The following BRINP3 variants were observed in gnomAD, a reference collection of about 807,000 sequenced individuals.
BRINP3 encodes BMP/retinoic acid-inducible neural-specific protein 3.
BRINP3 carries 19 observed loss-of-function variants against 71.0 expected under a neutral mutation model. That is an observed-to-expected ratio of 0.27 (90% CI 0.19 to 0.39). BRINP3 has a LOEUF of 0.39. Among genes scored for constraint, BRINP3 ranks in the 10% least tolerant of loss-of-function variants. The pLI is 1.00. For missense variants in BRINP3, 959 were observed against 940.8 expected (o/e 1.02, Z -0.25); for synonymous variants, 380 against 337.7 (o/e 1.13, Z -1.37).
At chr1:190,328,563 C>T (rs1666758370) in intron 2 of BRINP3, among the ~76,000 whole-genome samples, 1 of 151,750 alleles carries the variant, frequency 6.6e-6, no homozygotes, top group South Asian at 2.1e-4. Flanking sequence ...TGCCACAGGG[C>T]CAGTTAGAGT....
At chr1:190,378,886 A>G (rs1171338) in intron 2 of BRINP3, among the ~76,000 whole-genome samples, 114,500 of 152,020 alleles carry the variant, frequency 0.75, 43,340 homozygotes, top group Non-Finnish European at 0.79. Context: ...TGTTCACATG[A>G]CCCCAGTAGG....
chr1:190,473,708 T>G (rs1339233101), intron 1 of BRINP3, among the ~76,000 whole-genome samples: 1 of 151,880 alleles, frequency 6.6e-6, no homozygotes, highest in Non-Finnish European at 1.5e-5. Context: ...ATCTATTGGC[T>G]GCTCAATCTA....
chr1:190,432,210 T>C (rs1007806774), intron 2 of BRINP3, among the ~76,000 whole-genome samples: 2 of 152,206 alleles, frequency 1.3e-5, no homozygotes, highest in African/African-American at 4.8e-5. Flanking sequence ...CCAGTAAATA[T>C]AGCTTTCTTA....
chr1:190,357,400 T>A (rs1558213213), intron 2 of BRINP3, among the ~76,000 whole-genome samples: 1 of 152,008 alleles, frequency 6.6e-6, no homozygotes, highest in Non-Finnish European at 1.5e-5. Flanking sequence ...TTTACTTAAC[T>A]GTCTACATGT....
At chr1:190,273,576 C>A (rs1662298543) in intron 3 of BRINP3, among the ~76,000 whole-genome samples, 1 of 151,388 alleles carries the variant, frequency 6.6e-6, no homozygotes, top group Non-Finnish European at 1.5e-5. Flanking sequence ...ATAAAACAAA[C>A]AAACAAAAAA....
At chr1:190,311,509 T>C (rs975214620) in intron 2 of BRINP3, among the ~76,000 whole-genome samples, 1 of 151,560 alleles carries the variant, frequency 6.6e-6, no homozygotes, top group African/African-American at 2.4e-5. Flanking sequence ...AGAAATTAAA[T>C]AGAAATAATG....
intron 2 of BRINP3, among the ~76,000 whole-genome samples, chr1:190,287,473 T>G (rs2102955006): frequency 6.6e-6 from 1 of 152,262 alleles, no homozygotes; most frequent in Middle Eastern, 3.4e-3. Flanking sequence ...AATTTTTTTT[T>G]TAAGCTTGGG....
intron 5 of BRINP3, among the ~76,000 whole-genome samples, chr1:190,232,655 C>A (rs1658106341): frequency 6.6e-6 from 1 of 151,924 alleles, no homozygotes; most frequent in Non-Finnish European, 1.5e-5. Context: ...TCATTTATTC[C>A]TTGTGTTAAT....
intron 4 of BRINP3, among the ~76,000 whole-genome samples, chr1:190,251,207 C>T (rs1040788345): frequency 1.1e-4 from 17 of 151,838 alleles, no homozygotes. Flanking sequence ...TGTGTTAGAG[C>T]TTATTCCTGA....
chr1:190,226,758 T>C (rs1657419648), intron 5 of BRINP3, among the ~76,000 whole-genome samples: 2 of 152,066 alleles, frequency 1.3e-5, no homozygotes, highest in African/African-American at 2.4e-5. Context: ...ATATAATGGG[T>C]TGTGCCATTG....
At chr1:190,175,683 C>G (rs531182242) in intron 6 of BRINP3, among the ~76,000 whole-genome samples, 1 of 152,264 alleles carries the variant, frequency 6.6e-6, no homozygotes, top group East Asian at 1.9e-4. Flanking sequence ...ATAGGTTTTA[C>G]TCCTTATAGG....
Position 190,269,076 on chromosome 1 carries a change from C to G in BRINP3, c.428-4021G>C, listed in dbSNP as rs117007494. On this transcript the variant is annotated intron_variant, in intron 3 of 7. Coordinates refer to ENST00000367462, the MANE Select transcript of BRINP3 (RefSeq NM_199051.3). ...CATATCTGAATGCAAATTGTAAAAT[C>G]TGTATAATTAAACAGTGCAGGCTGA... Among the ~76,000 whole-genome samples the G allele has an allele frequency of 1.3e-3, 198 of 152,160 alleles. 4 individuals carry two copies. The East Asian group carries it at 0.033, about 25-fold the overall frequency.
chr1:190,334,395 A>T (rs568315885), intron 2 of BRINP3, among the ~76,000 whole-genome samples: 6 of 151,964 alleles, frequency 3.9e-5, no homozygotes, highest in South Asian at 2.1e-4. Flanking sequence ...GAATTTTTTT[A>T]AAATGGAAAA....
chr1:190,306,697 C>T (rs1571698536), intron 2 of BRINP3, among the ~76,000 whole-genome samples: 1 of 151,368 alleles, frequency 6.6e-6, no homozygotes, highest in Non-Finnish European at 1.5e-5. Context: ...TAGAGCGCAA[C>T]TATTTTAGCA....
chr1:190,270,138 T>A (rs1323282186), intron 3 of BRINP3, among the ~76,000 whole-genome samples: 5 of 151,926 alleles, frequency 3.3e-5, no homozygotes, highest in African/African-American at 1.2e-4. Flanking sequence ...GATATATGTA[T>A]TTGTTTCTTT....
chr1:190,173,846 T>C (rs1392388272), intron 6 of BRINP3, among the ~76,000 whole-genome samples: 3 of 152,144 alleles, frequency 2.0e-5, no homozygotes, highest in African/African-American at 7.2e-5. Flanking sequence ...TGCAAACCTC[T>C]TCAGTGTCTG....
At chr1:190,378,271 C>T (rs1457039106) in intron 2 of BRINP3, among the ~76,000 whole-genome samples, 1 of 152,002 alleles carries the variant, frequency 6.6e-6, no homozygotes, top group Non-Finnish European at 1.5e-5. Context: ...CCATCACTAA[C>T]AGAAAAAAAA....
intron 6 of BRINP3, among the ~76,000 whole-genome samples, chr1:190,220,330 G>T (rs1656766802): frequency 6.6e-6 from 1 of 151,990 alleles, no homozygotes; most frequent in Non-Finnish European, 1.5e-5. Flanking sequence ...ATCATATGTG[G>T]GAGTTGAACA....
intron 2 of BRINP3, among the ~76,000 whole-genome samples, chr1:190,389,414 A>C (rs1282584748): frequency 1.3e-5 from 2 of 151,862 alleles, no homozygotes; most frequent in Non-Finnish European, 2.9e-5. Flanking sequence ...ATACTTTCCT[A>C]CTTCCAATAA....
Sources: gnomAD v4.1 joint callset for allele counts (sites outside exome capture counted in the v4.1 genomes callset) on GRCh38, gnomAD v4.1.1 for gene constraint, MANE v1.5 for transcripts, NCBI Gene and HGNC (gene_info 2026-07-23, HGNC 2026-07-21) for gene names.